Variants in RADIL observed in about 807,000 individuals in gnomAD.
RADIL encodes ras-associating and dilute domain-containing protein.
Under a neutral mutation model 97.6 loss-of-function variants are expected in RADIL, and 99 were observed. The ratio of observed to expected loss-of-function variants is 1.01; its 90% CI spans 0.86 to 1.20. The LOEUF is 1.20. Among genes scored for constraint, RADIL ranks in the 50% most tolerant of loss-of-function variants. The pLI, the probability that RADIL is intolerant of heterozygous loss-of-function variation, is 0.00. For missense variants in RADIL, 1,765 were observed against 1,498.9 expected (o/e 1.18, Z -2.93); for synonymous variants, 803 against 691.8 (o/e 1.16, Z -2.52).
At chr7:4,805,214 C>T (rs1041959011) in intron 10 of RADIL, 1 of 296,926 alleles carries the variant, frequency 3.4e-6, no homozygotes, top group Non-Finnish European at 6.3e-6. Context: ...AGGGATGCGT[C>T]CCCACGGCTG....
chr7:4,845,619 C>A (rs1203752139), intron 2 of RADIL, among the ~76,000 whole-genome samples: 3 of 152,104 alleles, frequency 2.0e-5, no homozygotes, highest in Non-Finnish European at 4.4e-5. Context: ...CACTTACTTT[C>A]CAAATTTTCG....
At chr7:4,828,407 G>A (rs1003626089) in intron 5 of RADIL, among the ~76,000 whole-genome samples, 3 of 152,224 alleles carry the variant, frequency 2.0e-5, no homozygotes, top group African/African-American at 4.8e-5. Context: ...GCAGCAAGCC[G>A]AGGTCGCGCC....
chr7:4,802,714 C>T (rs1451478799), intron 11 of RADIL, among the ~76,000 whole-genome samples: 1 of 113,186 alleles, frequency 8.8e-6, no homozygotes, highest in Middle Eastern at 8.5e-3. Flanking sequence ...GTCCCCTCCC[C>T]AGGCACCTCG....
intron 2 of RADIL, among the ~76,000 whole-genome samples, chr7:4,856,391 T>C (rs1199076277): frequency 6.6e-6 from 1 of 152,246 alleles, no homozygotes; most frequent in Non-Finnish European, 1.5e-5. Context: ...ATTACAGGCA[T>C]GAGCTACCGC....
At chr7:4,852,245 C>T (rs1783726830) in intron 2 of RADIL, among the ~76,000 whole-genome samples, 1 of 152,078 alleles carries the variant, frequency 6.6e-6, no homozygotes, top group Non-Finnish European at 1.5e-5. Flanking sequence ...GACATGCTAC[C>T]GTCCATGCAG....
chr7:4,817,097 C>T lies in RADIL; in HGVS notation c.1728+142G>A. On this transcript the variant is annotated intron_variant, in intron 7 of 14. Coordinates refer to ENST00000399583, the MANE Select transcript of RADIL (RefSeq NM_018059.5). The surrounding 1 kb of genome is among the most constrained non-coding windows in gnomAD (Gnocchi z 8.3). Reference sequence around the variant, plus strand: ...TGGGCCTGTGCAGAACCTGCAGCCACTGCTCCCTGATGAAGTGGAGCTTGT... The same window carrying T: ...TGGGCCTGTGCAGAACCTGCAGCCATTGCTCCCTGATGAAGTGGAGCTTGT... 2.9e-6 allele frequency: 2 copies of T among 692,606 alleles called. No homozygotes were observed. The highest frequency in any genetic ancestry group is 2.7e-5 in the Admixed American group (1 of 36,364). The allele number at this position is 692,606 out of a possible 1,614,324, so 42.9% of individuals were successfully genotyped here. A position where few individuals can be genotyped will look rare whatever the true frequency, so the allele number is the denominator to read the frequency against.
rs569041426 is a variant in RADIL, at chr7:4,807,337, G to C, written c.2140-1621C>G. On this transcript the variant is annotated intron_variant, in intron 9 of 14. Coordinates refer to ENST00000399583, the MANE Select transcript of RADIL (RefSeq NM_018059.5). The stretch of plus-strand genomic sequence containing the variant: ...TACACACCCTTCAAGAAAGCCTCTG[G>C]TTTGCCCGGGGGTGGTTCTGTTTGA... 3.3e-5 allele frequency among the ~76,000 whole-genome samples: 5 copies of C among 152,096 alleles called. No homozygotes were observed. In the East Asian group the frequency reaches 9.7e-4, roughly 30 times the overall value.
chr7:4,816,173 C>T (rs772490759), intron 8 of RADIL, 55 bp downstream of exon 8: 24 of 1,517,730 alleles, frequency 1.6e-5, no homozygotes, highest in South Asian at 7.1e-5. Context: ...CGCCAGCAGC[C>T]GTCATGTCCA....
intron 2 of RADIL, among the ~76,000 whole-genome samples, chr7:4,850,872 T>C (rs1214853582): frequency 6.6e-6 from 1 of 152,144 alleles, no homozygotes; most frequent in African/African-American, 2.4e-5. Context: ...TTAAATAGTA[T>C]AGTTTTAAGC....
intron 5 of RADIL, among the ~76,000 whole-genome samples, chr7:4,829,441 G>T (rs941597350): frequency 6.6e-5 from 10 of 152,302 alleles, no homozygotes; most frequent in Admixed American, 5.9e-4. Context: ...CCAGGTCAGT[G>T]GTCCCCAAGC....
chr7:4,830,606 A>G (rs1562440946), intron 5 of RADIL, among the ~76,000 whole-genome samples: 1 of 152,198 alleles, frequency 6.6e-6, no homozygotes, highest in Non-Finnish European at 1.5e-5. Context: ...AGCCAGGCAC[A>G]GTGGCTCACG....
Position 4,836,570 on chromosome 7 carries a change from G to A in RADIL, c.571C>T (p.Arg191Cys), listed in dbSNP as rs746766181. ...NAQARRLQRS[R>C]AKGTPTPALG... is the part of the protein sequence containing the mutation. ...GCCGGGGTCGGGGTTCCCTTCGCGC[G>A]ACTCCGCTGCAGCCTCCGGGCCTGG... is the stretch of plus-strand genomic sequence containing the variant. The change falls in exon 3 of 15, where the codon CGC becomes TGC. Residue 191 changes from arginine to cysteine, a missense_variant. By Grantham distance (180) the Arg-to-Cys change is radical. Coordinates refer to ENST00000399583, the MANE Select transcript of RADIL (RefSeq NM_018059.5). 33 of 1,607,382 alleles carry A rather than the reference G, an allele frequency of 2.1e-5. No homozygotes were observed. The highest frequency in any genetic ancestry group is 7.7e-5 in the South Asian group (7 of 90,972).
At position 4,800,233 on chromosome 7, in the gene RADIL, C is replaced by A; in HGVS notation, c.2920G>T (p.Val974Phe). 1 of 1,601,388 alleles carries A rather than the reference C, an allele frequency of 6.2e-7. No individual in the cohort carries two copies. Among genetic ancestry groups the A allele is most frequent in the Non-Finnish European group, 8.5e-7 (1 of 1,175,230 alleles). The change falls in exon 13 of 15, where the codon GTC (valine) becomes TTC (phenylalanine). Residue 974 changes from valine to phenylalanine, a missense_variant. By Grantham distance (50) the Val-to-Phe change is conservative. Coordinates refer to ENST00000399583, the MANE Select transcript of RADIL (RefSeq NM_018059.5). ...CCTCGTTCCAGCTCCACCGTGAAGA[C>A]GTAGCAGAAGTCCTCGGTGCTGGAG... ...RSSSTEDFCYVFTVELERGPS... is the reference protein window; with the variant it reads ...RSSSTEDFCYFFTVELERGPS...
intron 12 of RADIL, 137 bp from the exon 13 acceptor site, chr7:4,800,447 A>G: frequency 1.0e-6 from 1 of 984,882 alleles, no homozygotes. Flanking sequence ...GACGCTGTTC[A>G]GGCAGAATGT....
Position 4,818,231 on chromosome 7 carries a change from G to C in RADIL, c.1616-880C>G, listed in dbSNP as rs529810800. ...GGCCGCCTGCCAGGGCTGCATGGGC[G>C]GCGCCTGGTGAGCCAGGCCAACACT... On this transcript the variant is annotated intron_variant, in intron 6 of 14. Transcript: ENST00000399583. The surrounding 1 kb of genome is among the most constrained non-coding windows in gnomAD (Gnocchi z 7.1). Among the ~76,000 whole-genome samples the C allele has an allele frequency of 3.7e-4, 56 of 151,928 alleles. No homozygotes were observed. The highest frequency in any genetic ancestry group is 3.4e-3 in the Middle Eastern group (1 of 294).
At chr7:4,861,563 C>G in intron 2 of RADIL, 2 of 1,614,004 alleles carry the variant, frequency 1.2e-6, no homozygotes, top group Non-Finnish European at 1.7e-6. Context: ...AAGACTCTTG[C>G]TTTCACTGAT....
rs1781978686 is a variant in RADIL at position 4,798,461 on chromosome 7, CCA to C, written c.*915_*916del. On this transcript the variant is annotated 3_prime_UTR_variant, in exon 15 of 15. Transcript: ENST00000399583. ...AGATGACCCTGGGCCACCAGTTCCA[CCA>C]CAGCCAGGAGGGCGCGGAAGCCACC... 1 of 152,334 alleles carries C rather than the reference CCA, an allele frequency of 6.6e-6. No homozygotes were observed. Among genetic ancestry groups the C allele is most frequent in the Non-Finnish European group, 1.5e-5 (1 of 68,070 alleles). 9.4% of individuals were successfully genotyped at this position (152,334 alleles called of 1,614,324 possible).
chr7:4,839,321 A>G (rs1345164691), intron 2 of RADIL, among the ~76,000 whole-genome samples: 1 of 152,110 alleles, frequency 6.6e-6, no homozygotes, highest in Non-Finnish European at 1.5e-5. Flanking sequence ...CTGATTTCTA[A>G]TTTTATTGGG....
chr7:4,819,854 G>A lies in RADIL; in HGVS notation c.1616-2503C>T, dbSNP rs545526464. ...GCATCCCTGGGCCCTGGCTCCCATC[G>A]CCGGGCCAAACACTGCTCAGGCCCC... On this transcript the variant is annotated intron_variant, in intron 6 of 14. Coordinates refer to ENST00000399583, the MANE Select transcript of RADIL (RefSeq NM_018059.5). This position sits in a 1 kb window ranked among gnomAD's most constrained non-coding sequence, Gnocchi z 5.8. Among the ~76,000 whole-genome samples the A allele has an allele frequency of 9.9e-5, 15 of 152,268 alleles. No homozygotes were observed. The highest frequency in any genetic ancestry group is 4.2e-4 in the South Asian group (2 of 4,818).
Sources: allele counts gnomAD v4.1 joint callset (sites outside exome capture counted in the v4.1 genomes callset), GRCh38; gene constraint gnomAD v4.1.1; non-coding constraint Gnocchi (gnomAD v3.1); transcripts MANE v1.5; gene names NCBI Gene and HGNC (gene_info 2026-07-23, HGNC 2026-07-21).